The following GCNT1 variants were observed in gnomAD, a reference collection of about 807,000 sequenced individuals.
GCNT1 encodes glucosaminyl (N-acetyl) transferase 1.
A neutral mutation model predicts 26.2 loss-of-function variants in GCNT1; 16 were observed. The ratio of observed to expected loss-of-function variants is 0.61; its 90% CI spans 0.41 to 0.93. The LOEUF is 0.93. GCNT1 is among the 40% of genes least tolerant of loss of function. GCNT1 has a pLI of 0.00. For synonymous variants in GCNT1, 183 were observed against 190.8 expected, an observed-to-expected ratio of 0.96 and a Z score of 0.34; for missense variants, 477 against 526.7, an observed-to-expected ratio of 0.91 and a Z score of 0.92.
chr9:76,405,288 AACACACAC>A, the GCNT1 span, among the ~76,000 whole-genome samples: 17,748 of 149,670 alleles, frequency 0.12, 1,144 homozygotes, highest in Middle Eastern at 0.23. Context: ...CCTGACCTTC[AACACACAC>A]ACACACACAC....
At chr9:76,457,286 T>C (rs964257407), upstream of GCNT1, among the ~76,000 whole-genome samples, 1 of 152,236 alleles carries the variant, frequency 6.6e-6, no homozygotes, top group Non-Finnish European at 1.5e-5. Flanking sequence ...CCTTGCTTTG[T>C]CACGCAGGCC....
chr9:76,395,894 G>A, the GCNT1 span, among the ~76,000 whole-genome samples: 1 of 152,154 alleles, frequency 6.6e-6, no homozygotes, highest in Non-Finnish European at 1.5e-5. Context: ...TAAGAGTGCT[G>A]CATTCCTTCT....
chr9:76,402,511 C>T, the GCNT1 span, among the ~76,000 whole-genome samples: 8 of 152,112 alleles, frequency 5.3e-5, no homozygotes, highest in Non-Finnish European at 1.0e-4. Flanking sequence ...TGAGAGCCTA[C>T]GACCTACTAA....
chr9:76,451,458 G>A (rs1212931450), intron 1 of GCNT1, among the ~76,000 whole-genome samples: 4 of 152,138 alleles, frequency 2.6e-5, no homozygotes, highest in East Asian at 1.9e-4. Context: ...ACTAAGAAAC[G>A]GTCTCCTGGG....
chr9:76,418,041 C>G (rs574210710), upstream of GCNT1, among the ~76,000 whole-genome samples: 20 of 152,262 alleles, frequency 1.3e-4, no homozygotes, highest in South Asian at 4.1e-3. Context: ...CGGGGTACAG[C>G]CTAGTTTTAT....
the GCNT1 span, among the ~76,000 whole-genome samples, chr9:76,395,538 G>A: frequency 6.6e-6 from 1 of 151,962 alleles, no homozygotes; most frequent in African/African-American, 2.4e-5. Context: ...ACTGAGCTAT[G>A]ATAACGCCAC....
At chr9:76,493,210 T>G (rs1824798002) in intron 2 of GCNT1, among the ~76,000 whole-genome samples, 1 of 152,172 alleles carries the variant, frequency 6.6e-6, no homozygotes, top group South Asian at 2.1e-4. Context: ...CCAGTCCCCA[T>G]GATCTGAGTT....
At chr9:76,452,130 A>G (rs1823678139) in intron 1 of GCNT1, among the ~76,000 whole-genome samples, 1 of 151,772 alleles carries the variant, frequency 6.6e-6, no homozygotes. Flanking sequence ...CACCACATCC[A>G]GCTAATTTTT....
upstream of GCNT1, among the ~76,000 whole-genome samples, chr9:76,415,434 A>G (rs1164394744): frequency 6.6e-6 from 1 of 152,158 alleles, no homozygotes; most frequent in African/African-American, 2.4e-5. Context: ...TGGCTAGTGG[A>G]AGCTGGAATT....
At chr9:76,499,279 C>T (rs1824997019) in intron 2 of GCNT1, among the ~76,000 whole-genome samples, 1 of 152,018 alleles carries the variant, frequency 6.6e-6, no homozygotes, top group Admixed American at 6.6e-5. Flanking sequence ...AGGCATGCAC[C>T]ACTACGCCCG....
intron 2 of GCNT1, among the ~76,000 whole-genome samples, chr9:76,475,375 A>G (rs1424817289): frequency 6.6e-6 from 1 of 152,188 alleles, no homozygotes. Context: ...AGAATCTGTA[A>G]CATTCATATT....
the GCNT1 span, chr9:76,394,130 C>T: frequency 4.1e-4 from 656 of 1,609,748 alleles, 1 homozygote; most frequent in Non-Finnish European, 5.4e-4. Context: ...GGCCGAAGCC[C>T]CGCACCACTT....
At chr9:76,407,701 T>C in the GCNT1 span, among the ~76,000 whole-genome samples, 1 of 152,210 alleles carries the variant, frequency 6.6e-6, no homozygotes, top group Non-Finnish European at 1.5e-5. Flanking sequence ...ATAGATCGCA[T>C]TGAGAAGAAC....
At chr9:76,437,143 G>A (rs1823420772), upstream of GCNT1, among the ~76,000 whole-genome samples, 1 of 151,712 alleles carries the variant, frequency 6.6e-6, no homozygotes, top group East Asian at 1.9e-4. Flanking sequence ...AATATATGGG[G>A]AAAAAAAGAG....
upstream of GCNT1, among the ~76,000 whole-genome samples, chr9:76,418,388 A>G (rs1823150522): frequency 6.6e-6 from 1 of 152,110 alleles, no homozygotes; most frequent in African/African-American, 2.4e-5. Context: ...CTGAATTCCA[A>G]AAGGGAGGAG....
the GCNT1 span, chr9:76,399,368 A>G: frequency 1.4e-6 from 2 of 1,478,984 alleles, no homozygotes; most frequent in Non-Finnish European, 9.3e-7. Flanking sequence ...GGCAGTGACC[A>G]AGGAGGAATT....
At chr9:76,469,627 G>A (rs1217007935) in intron 2 of GCNT1, among the ~76,000 whole-genome samples, 1 of 152,104 alleles carries the variant, frequency 6.6e-6, no homozygotes, top group Non-Finnish European at 1.5e-5. Context: ...GTTCTTTGCC[G>A]CTGTTGCAGA....
At chr9:76,402,927 C>G in the GCNT1 span, among the ~76,000 whole-genome samples, 7 of 152,154 alleles carry the variant, frequency 4.6e-5, no homozygotes, top group Non-Finnish European at 2.9e-5. Flanking sequence ...ATCTGCCTGC[C>G]TCGGCCTCCC....
upstream of GCNT1, among the ~76,000 whole-genome samples, chr9:76,416,054 C>A (rs1440225659): frequency 6.6e-6 from 1 of 152,130 alleles, no homozygotes; most frequent in Non-Finnish European, 1.5e-5. Context: ...TAAATGAGAA[C>A]TTCACATCCC....
Sources: allele counts gnomAD v4.1 joint callset (sites outside exome capture counted in the v4.1 genomes callset), GRCh38; gene constraint gnomAD v4.1.1; transcripts MANE v1.5; gene names NCBI Gene and HGNC (gene_info 2026-07-23, HGNC 2026-07-21).